Variants in SCARF2 observed in about 807,000 individuals in gnomAD.
SCARF2 encodes the protein scavenger receptor expressed by endothelial cells 2 protein.
A neutral mutation model predicts 73.4 loss-of-function variants in SCARF2; 39 were observed. That is an observed-to-expected ratio of 0.53 (90% CI 0.41 to 0.69). The LOEUF (loss-of-function observed/expected upper bound fraction) is 0.69, where lower values mean the gene tolerates loss of function less well. SCARF2 is among the 30% of genes least tolerant of loss of function. The probability of loss-of-function intolerance (pLI) is 0.00; values close to 1 mark genes in which losing one functional copy is unlikely to be tolerated. For missense variants in SCARF2, 1,148 were observed against 1,303.5 expected (o/e 0.88, Z 1.84); for synonymous variants, 605 against 590.0 (o/e 1.03, Z -0.37).
chr22:20,431,838 C>G lies in SCARF2; in HGVS notation c.241G>C (p.Glu81Gln). 6.3e-7 allele frequency: 1 copy of G among 1,598,200 alleles called. No homozygotes were observed. Among genetic ancestry groups the G allele is most frequent in the Non-Finnish European group, 8.5e-7 (1 of 1,173,494 alleles). ...TTCTCTGAGCACGTGGAGTTGCCTT[C>G]GCACACCGCTGTGGACGAGACAGGC... Reference protein sequence around the residue: ...QGDECGIAVCEGNSTCSENEV... With the variant: ...QGDECGIAVCQGNSTCSENEV... Residue 81 changes from glutamate to glutamine, a missense_variant, in exon 3 of 11, where the codon GAA becomes CAA. Around this residue, in one of 5 missense-constraint regions of SCARF2, gnomAD observed 124 missense variants for 120.4 expected, o/e 1.03. Coordinates refer to ENST00000622235, the MANE Select transcript of SCARF2 (RefSeq NM_182895.5).
rs879193 is a variant in SCARF2 at position 20,430,621 on chromosome 22, T to C, written c.1074-64A>G. 5.2e-5 allele frequency: 84 copies of C among 1,606,844 alleles called. No homozygotes were observed. In the African/African-American group the frequency reaches 8.1e-4, roughly 16 times the overall value. ...CAAACGGACCACAGCGCCCTCGACATTGGGGCCTTTGTTAGGGAGGCAGGG... is the reference window on the plus strand; with the variant it reads ...CAAACGGACCACAGCGCCCTCGACACTGGGGCCTTTGTTAGGGAGGCAGGG... On this transcript the variant is annotated intron_variant, in intron 5 of 10. Transcript: ENST00000622235.
intron 1 of SCARF2, among the ~76,000 whole-genome samples, chr22:20,436,862 C>A (rs1244147761): frequency 2.0e-5 from 3 of 152,228 alleles, no homozygotes; most frequent in Non-Finnish European, 2.9e-5. Context: ...CTCGCCCCCC[C>A]ACCGGCCGGG....
rs763103176 is a variant in SCARF2 at position 20,429,868 on chromosome 22, GC to G, written c.1203-36del. ...CATAGGGTCAAGGCATGCCACAGCCGCCCCCCTAGGATGCCCCCTACCCTCA... is the reference window on the plus strand; with the variant it reads ...CATAGGGTCAAGGCATGCCACAGCCGCCCCCTAGGATGCCCCCTACCCTCA... On this transcript the variant is annotated intron_variant, in intron 6 of 10. Transcript: ENST00000622235. The surrounding 1 kb of genome is among the most constrained non-coding windows in gnomAD (Gnocchi z 5.2). 58 of 1,600,038 alleles carry G rather than the reference GC, an allele frequency of 3.6e-5. No individual in the cohort carries two copies. Among genetic ancestry groups the G allele is most frequent in the Non-Finnish European group, 4.3e-5 (51 of 1,173,502 alleles).
rs532131827 is a variant in SCARF2 at position 20,431,909 on chromosome 22, TC to T, written c.232+20del. On this transcript the variant is annotated intron_variant, in intron 2 of 10. Transcript: ENST00000622235. ...GCCCCGCCCCCTCCCCCGCCCCAGG[TC>T]CCCGGGATGACCCACTCACCAATCC... 3.6e-4 allele frequency: 224 copies of T among 616,144 alleles called. No homozygotes were observed. In the African/African-American group the frequency reaches 4.9e-3, roughly 14 times the overall value. The allele number at this position is 616,144 out of a possible 1,614,324, so 38.2% of individuals were successfully genotyped here.
chr22:20,430,451 T>G lies in SCARF2; in HGVS notation c.1180A>C (p.Ser394Arg). The stretch of plus-strand genomic sequence containing the variant: ...CACTGGGGCCCGTGGACGCCAGGGC[T>G]GCACAGGCAGCGCCCCGACTGGAAG... ...CDFQSGRCLC[S>R]PGVHGPHCNV... Residue 394 changes from serine (S) to arginine (R), a missense_variant, in exon 6 of 11, where the codon AGC (serine) becomes CGC (arginine). By Grantham distance (110) the Ser-to-Arg change is moderately radical (BLOSUM62 -1). This residue lies in a region of SCARF2 where 372 missense variants were observed against 532.0 expected (regional missense o/e 0.70). Transcript: ENST00000622235. 1 of 1,593,216 alleles carries G rather than the reference T, an allele frequency of 6.3e-7. No homozygotes were observed. The highest frequency in any genetic ancestry group is 1.7e-4 in the Middle Eastern group (1 of 5,910).
chr22:20,435,562 C>G (rs2052691215), intron 1 of SCARF2, among the ~76,000 whole-genome samples: 1 of 152,216 alleles, frequency 6.6e-6, no homozygotes, highest in African/African-American at 2.4e-5. Flanking sequence ...GCTCCTCCGC[C>G]AGCCCCTCCT....
chr22:20,430,380 CTG>C, intron 6 of SCARF2, 47 bp downstream of exon 6: 1 of 1,557,166 alleles, frequency 6.4e-7, no homozygotes, highest in Non-Finnish European at 8.7e-7. Flanking sequence ...GGACCCCCCT[CTG>C]TGGCAGGTAC....
In SCARF2 at chr22:20,429,449, G is replaced by C; in HGVS notation, c.1424+87C>G. On this transcript the variant is annotated intron_variant, in intron 8 of 10. Transcript: ENST00000622235. This position sits in a 1 kb window ranked among gnomAD's most constrained non-coding sequence, Gnocchi z 5.2. ...AGGGGCGGGGCCACGTCCGGGGCAG[G>C]GGCGCGGAAGGGTTGGATCTGGGTC... The C allele has an allele frequency of 1.9e-6, 3 of 1,573,888 alleles. No individual in the cohort carries two copies.
chr22:20,426,761 T>C (rs2052582979), intron 10 of SCARF2, among the ~76,000 whole-genome samples: 1 of 152,094 alleles, frequency 6.6e-6, no homozygotes, highest in Admixed American at 6.5e-5. Context: ...ACCCTGTCTC[T>C]ACTAAAAATA....
chr22:20,426,677 G>T (rs941408679), intron 10 of SCARF2, among the ~76,000 whole-genome samples: 1 of 152,230 alleles, frequency 6.6e-6, no homozygotes, highest in African/African-American at 2.4e-5. Flanking sequence ...GCTCACGCCT[G>T]TAATCCCAGC....
Position 20,429,454 on chromosome 22 carries a change from C to T in SCARF2, c.1424+82G>A. ...CGGGGCCACGTCCGGGGCAGGGGCG[C>T]GGAAGGGTTGGATCTGGGTCCGGTG... On this transcript the variant is annotated intron_variant, in intron 8 of 10. Coordinates refer to ENST00000622235, the MANE Select transcript of SCARF2 (RefSeq NM_182895.5). The surrounding 1 kb of genome is among the most constrained non-coding windows in gnomAD (Gnocchi z 5.2). The T allele has an allele frequency of 1.9e-6, 3 of 1,578,562 alleles. No homozygotes were observed. The highest frequency in any genetic ancestry group is 2.6e-6 in the Non-Finnish European group (3 of 1,164,370).
At chr22:20,430,401 A>G in intron 6 of SCARF2, 28 bp downstream of exon 6, 2 of 1,578,016 alleles carry the variant, frequency 1.3e-6, no homozygotes, top group Non-Finnish European at 1.7e-6. Context: ...ACAAGCCCCC[A>G]ACCCCCTCCC....
intron 1 of SCARF2, among the ~76,000 whole-genome samples, chr22:20,433,247 G>C (rs576427393): frequency 6.6e-6 from 1 of 152,318 alleles, no homozygotes; most frequent in African/African-American, 2.4e-5. Flanking sequence ...TGAGAAGGAA[G>C]AGCCACCAAG....
chr22:20,437,446 C>T (rs936760829), intron 1 of SCARF2, 136 bp downstream of exon 1: 19 of 942,674 alleles, frequency 2.0e-5, no homozygotes, highest in African/African-American at 3.5e-5. Context: ...GGAACGGAGC[C>T]GCGCTGGCTA....
At chr22:20,435,451 T>A (rs1198657825) in intron 1 of SCARF2, among the ~76,000 whole-genome samples, 1 of 152,156 alleles carries the variant, frequency 6.6e-6, no homozygotes, top group Non-Finnish European at 1.5e-5. Context: ...ACCCTTTCTC[T>A]GTACAAAGCC....
At position 20,431,637 on chromosome 22, in the gene SCARF2, CTG is replaced by C. The variant is rs1308363812; in HGVS notation, c.335-102_335-101del. The stretch of plus-strand genomic sequence containing the variant: ...GCGTCCCGCACTCCAGCCGCCACCT[CTG>C]GGGACCCGCCCCGAAGGCGGATCCG... On this transcript the variant is annotated intron_variant, in intron 3 of 10. Coordinates refer to ENST00000622235, the MANE Select transcript of SCARF2 (RefSeq NM_182895.5). 3 of 1,541,342 alleles carry C rather than the reference CTG, an allele frequency of 1.9e-6. No homozygotes were observed. The African/African-American group carries it at 4.1e-5, about 21-fold the overall frequency.
rs373777427 is a variant in SCARF2 at position 20,428,177 on chromosome 22, C to T, written c.1541-627G>A. On this transcript the variant is annotated intron_variant, in intron 9 of 10. Coordinates refer to ENST00000622235, the MANE Select transcript of SCARF2 (RefSeq NM_182895.5). ...GGGTTTTCTCTCTCTTGCTTGCTTGCTTTTTCTTTTCTTTCGACAGTTTTG... is the reference window on the plus strand; with the variant it reads ...GGGTTTTCTCTCTCTTGCTTGCTTGTTTTTTCTTTTCTTTCGACAGTTTTG... Among the ~76,000 whole-genome samples the T allele has an allele frequency of 3.5e-4, 54 of 152,244 alleles. No individual in the cohort carries two copies. In the East Asian group the frequency reaches 7.3e-3, roughly 21 times the overall value.
At chr22:20,434,338 C>T (rs1601304705) in intron 1 of SCARF2, among the ~76,000 whole-genome samples, 1 of 152,050 alleles carries the variant, frequency 6.6e-6, no homozygotes, top group South Asian at 2.1e-4. Context: ...CAGAGAAAGA[C>T]GACAGAGAGA....
Position 20,425,257 on chromosome 22 carries a change from GC to G in SCARF2, c.*117del, listed in dbSNP as rs2052557904. On this transcript the variant is annotated 3_prime_UTR_variant, in exon 11 of 11. Coordinates refer to ENST00000622235, the MANE Select transcript of SCARF2 (RefSeq NM_182895.5). The surrounding 1 kb of genome is among the most constrained non-coding windows in gnomAD (Gnocchi z 4.6). ...CCTGAGCCAATGAGACGCAACCTCC[GC>G]TAGCCGCGCGGTGCCCGGCCAATAG... is the stretch of plus-strand genomic sequence containing the variant. 5.7e-6 allele frequency: 5 copies of G among 880,360 alleles called. No individual in the cohort carries two copies. The highest frequency in any genetic ancestry group is 7.7e-6 in the Non-Finnish European group (5 of 649,220). 54.5% of individuals were successfully genotyped at this position (880,360 alleles called of 1,614,324 possible). A position where few individuals can be genotyped will look rare whatever the true frequency, so the allele number is the denominator to read the frequency against.
Sources: allele counts gnomAD v4.1 joint callset (sites outside exome capture counted in the v4.1 genomes callset), GRCh38; gene constraint gnomAD v4.1.1; regional missense constraint gnomAD v4.1.1; non-coding constraint Gnocchi (gnomAD v3.1); transcripts MANE v1.5; gene names NCBI Gene and HGNC (gene_info 2026-07-23, HGNC 2026-07-21).